The following ASTN2 variants were observed in gnomAD, a reference collection of about 807,000 sequenced individuals.
ASTN2 encodes the protein astrotactin-2.
A neutral mutation model predicts 139.8 loss-of-function variants in ASTN2; 54 were observed. That is an observed-to-expected ratio of 0.39 (90% CI 0.31 to 0.48). The LOEUF (loss-of-function observed/expected upper bound fraction) is 0.48, where lower values mean the gene tolerates loss of function less well. ASTN2 is among the 20% of genes least tolerant of loss of function. ASTN2 has a pLI of 0.95. For missense variants in ASTN2, 1,565 were observed against 1,725.1 expected (o/e 0.91, Z 1.64); for synonymous variants, 756 against 719.5 (o/e 1.05, Z -0.81).
rs145842543 is a variant in ASTN2, at chr9:116,932,665, A to T, written c.1889+42543T>A. 4.3e-3 allele frequency among the ~76,000 whole-genome samples: 647 copies of T among 152,208 alleles called. 7 individuals carry two copies. Among genetic ancestry groups the T allele is most frequent in the African/African-American group, 0.014 (601 of 41,508 alleles). On this transcript the variant is annotated intron_variant, in intron 10 of 22. Transcript: ENST00000313400. ...TACAGGAACCTGGAGTTCTGCATGG[A>T]GCACTCCATGCAGGAGCCATTCAGT...
intron 5 of ASTN2, among the ~76,000 whole-genome samples, chr9:117,080,234 T>C (rs912804901): frequency 6.6e-6 from 1 of 152,228 alleles, no homozygotes; most frequent in African/African-American, 2.4e-5. Flanking sequence ...GATTTGTTTG[T>C]CCTTAAAAGT....
chr9:117,271,363 C>A (rs1422475358), intron 2 of ASTN2, among the ~76,000 whole-genome samples: 1 of 152,210 alleles, frequency 6.6e-6, no homozygotes, highest in Non-Finnish European at 1.5e-5. Flanking sequence ...CCCTTGGGTG[C>A]TCCCACAACA....
chr9:117,110,567 T>A (rs572856707), intron 4 of ASTN2, among the ~76,000 whole-genome samples: 2 of 152,214 alleles, frequency 1.3e-5, no homozygotes, highest in Non-Finnish European at 2.9e-5. Context: ...ACAGAGGAGG[T>A]TCTGCATATG....
At chr9:117,162,854 T>C (rs1470653893) in intron 3 of ASTN2, among the ~76,000 whole-genome samples, 1 of 152,060 alleles carries the variant, frequency 6.6e-6, no homozygotes, top group African/African-American at 2.4e-5. Context: ...GAGAAATTAT[T>C]GGATTCATAG....
intron 4 of ASTN2, among the ~76,000 whole-genome samples, chr9:117,123,637 T>C (rs1219893204): frequency 6.6e-6 from 1 of 152,208 alleles, no homozygotes; most frequent in Non-Finnish European, 1.5e-5. Flanking sequence ...GCTGTATTTC[T>C]ACTGGCTCTA....
At position 116,480,108 on chromosome 9, in the gene ASTN2, T is replaced by TGAAGAAAGGAAG. The variant is rs1849119096; in HGVS notation, c.3497+7239_3497+7250dup. Among the ~76,000 whole-genome samples the TGAAGAAAGGAAG allele has an allele frequency of 2.1e-5, 3 of 139,902 alleles. No individual in the cohort carries two copies. The South Asian group carries it at 6.7e-4, about 31-fold the overall frequency. 91.8% of individuals were successfully genotyped at this position (139,902 alleles called of 152,430 possible). On this transcript the variant is annotated intron_variant, in intron 20 of 22. Transcript: ENST00000313400. ...AGGGAAGCAAGGAAGGAAGGATGGG[T>TGAAGAAAGGAAG]GAAGAAAGGAAGGAAGGAAAGAAGG...
intron 19 of ASTN2, chr9:116,584,244 C>T (rs1405343770): frequency 6.6e-6 from 1 of 152,090 alleles, no homozygotes; most frequent in African/African-American, 2.4e-5. Flanking sequence ...TGTTCCAGGC[C>T]CCAGAACAAT....
At chr9:116,519,243 A>G (rs1397312293) in intron 19 of ASTN2, among the ~76,000 whole-genome samples, 1 of 152,122 alleles carries the variant, frequency 6.6e-6, no homozygotes, top group Non-Finnish European at 1.5e-5. Context: ...TCCAAGATAG[A>G]CCATATGATA....
intron 11 of ASTN2, among the ~76,000 whole-genome samples, chr9:116,826,656 T>C (rs1002340716): frequency 5.9e-5 from 9 of 151,984 alleles, no homozygotes; most frequent in African/African-American, 1.9e-4. Context: ...CCCCAAAATC[T>C]ACCCATACAT....
At chr9:117,162,002 G>T (rs1278977726) in intron 3 of ASTN2, among the ~76,000 whole-genome samples, 1 of 152,010 alleles carries the variant, frequency 6.6e-6, no homozygotes, top group African/African-American at 2.4e-5. Context: ...CTCAAAGAGA[G>T]TGCATAATTT....
At chr9:116,443,571 C>T (rs1294945726) in intron 20 of ASTN2, among the ~76,000 whole-genome samples, 1 of 152,080 alleles carries the variant, frequency 6.6e-6, no homozygotes. Context: ...TCTAGAGCAG[C>T]CTCTGTCCTC....
chr9:116,559,472 T>A (rs977104380), intron 19 of ASTN2, among the ~76,000 whole-genome samples: 10 of 150,894 alleles, frequency 6.6e-5, no homozygotes, highest in South Asian at 2.1e-4. Flanking sequence ...TAAATTATGA[T>A]CTATGGTCTT....
chr9:116,677,897 T>A (rs1353801411), intron 16 of ASTN2, among the ~76,000 whole-genome samples: 1 of 152,156 alleles, frequency 6.6e-6, no homozygotes, highest in Non-Finnish European at 1.5e-5. Flanking sequence ...ATTAAGAAAC[T>A]GGGAAATGAA....
chr9:116,549,486 G>A (rs895949415), intron 19 of ASTN2, among the ~76,000 whole-genome samples: 3 of 152,188 alleles, frequency 2.0e-5, no homozygotes, highest in African/African-American at 7.2e-5. Flanking sequence ...CCCAGGCCCA[G>A]GGCTGGAGCC....
chr9:116,500,785 G>A (rs943802263), intron 19 of ASTN2, among the ~76,000 whole-genome samples: 1 of 152,204 alleles, frequency 6.6e-6, no homozygotes, highest in Non-Finnish European at 1.5e-5. Flanking sequence ...TAGTGTATGG[G>A]AAGCACCTAG....
intron 10 of ASTN2, among the ~76,000 whole-genome samples, chr9:116,911,229 TA>T (rs1299526709): frequency 6.6e-6 from 1 of 152,210 alleles, no homozygotes; most frequent in African/African-American, 2.4e-5. Context: ...TGCTTTATCT[TA>T]TTTAATCATA....
chr9:117,359,654 A>G (rs1829640472), intron 1 of ASTN2, among the ~76,000 whole-genome samples: 1 of 152,164 alleles, frequency 6.6e-6, no homozygotes, highest in South Asian at 2.1e-4. Flanking sequence ...GAGTCTTCTG[A>G]TCAGTAGCCA....
At chr9:116,544,968 T>G (rs1852029970) in intron 19 of ASTN2, among the ~76,000 whole-genome samples, 1 of 152,222 alleles carries the variant, frequency 6.6e-6, no homozygotes. Context: ...GCCAATGGCC[T>G]GCTCCTGGCC....
chr9:117,311,875 A>G (rs1211623556), intron 1 of ASTN2, among the ~76,000 whole-genome samples: 1 of 152,160 alleles, frequency 6.6e-6, no homozygotes, highest in East Asian at 1.9e-4. Context: ...TCCCTGTTGA[A>G]GCTCTTCCTA....
Sources: gnomAD v4.1 joint callset for allele counts (sites outside exome capture counted in the v4.1 genomes callset) on GRCh38, gnomAD v4.1.1 for gene constraint, MANE v1.5 for transcripts, NCBI Gene and HGNC (gene_info 2026-07-23, HGNC 2026-07-21) for gene names.